The following EIF2B3 variants were observed in gnomAD, a reference collection of about 807,000 sequenced individuals.
EIF2B3 encodes the protein translation initiation factor eIF2B subunit gamma.
A neutral mutation model predicts 54.1 loss-of-function variants in EIF2B3; 20 were observed. The observed-to-expected ratio is 0.37, with a 90% CI of 0.26 to 0.54. EIF2B3 has a LOEUF of 0.54. Ranked by LOEUF, EIF2B3 falls within the 20% of genes least tolerant of loss-of-function variation. EIF2B3 has a pLI of 0.86. For synonymous variants in EIF2B3, 153 were observed against 188.1 expected (o/e 0.81, Z 1.52); for missense variants, 448 against 547.8 (o/e 0.82, Z 1.82).
chr1:44,975,656 A>G (rs1369037151), intron 3 of EIF2B3, among the ~76,000 whole-genome samples: 1 of 152,164 alleles, frequency 6.6e-6, no homozygotes, highest in East Asian at 1.9e-4. Flanking sequence ...ATGTTCAAGG[A>G]TCAAAAGATT....
intron 5 of EIF2B3, among the ~76,000 whole-genome samples, chr1:44,905,479 C>T (rs532100980): frequency 3.0e-4 from 45 of 152,230 alleles, no homozygotes; most frequent in African/African-American, 1.1e-3. Flanking sequence ...CACTACTCTA[C>T]GAGCTTCCGT....
intron 10 of EIF2B3, among the ~76,000 whole-genome samples, chr1:44,872,036 A>T (rs1557663689): frequency 6.6e-6 from 1 of 151,734 alleles, no homozygotes; most frequent in Admixed American, 6.6e-5. Context: ...TAATTCTTGT[A>T]TATGTATGTA....
intron 5 of EIF2B3, among the ~76,000 whole-genome samples, chr1:44,899,786 A>G (rs991616005): frequency 2.6e-5 from 4 of 152,256 alleles, no homozygotes; most frequent in Non-Finnish European, 5.9e-5. Context: ...GATATTTCAA[A>G]GAACTAAAAC....
At chr1:44,875,440 C>T (rs1386888116) in intron 9 of EIF2B3, among the ~76,000 whole-genome samples, 178 bp downstream of exon 9, 1 of 152,202 alleles carries the variant, frequency 6.6e-6, no homozygotes, top group Non-Finnish European at 1.5e-5. Context: ...CCCTTCCTTA[C>T]AAGGTCATTA....
chr1:44,918,366 G>A (rs1274470417), intron 5 of EIF2B3, among the ~76,000 whole-genome samples: 3 of 151,708 alleles, frequency 2.0e-5, no homozygotes, highest in African/African-American at 7.3e-5. Flanking sequence ...ATAGGAGTGA[G>A]CCTCTGTGCC....
chr1:44,872,533 C>T (rs1035391255), intron 10 of EIF2B3, among the ~76,000 whole-genome samples: 5 of 152,028 alleles, frequency 3.3e-5, no homozygotes, highest in Admixed American at 1.3e-4. Context: ...GCCTGTAGTC[C>T]TAGCTACCTG....
chr1:44,978,221 G>A, intron 3 of EIF2B3, 94 bp downstream of exon 3: 2 of 1,453,098 alleles, frequency 1.4e-6, no homozygotes, highest in Non-Finnish European at 1.9e-6. Context: ...ACAGAGCGAG[G>A]TTCTGTCTCA....
At chr1:44,929,565 A>C (rs1211325405) in intron 4 of EIF2B3, among the ~76,000 whole-genome samples, 2 of 152,256 alleles carry the variant, frequency 1.3e-5, no homozygotes, top group African/African-American at 4.8e-5. Flanking sequence ...AGAGAATTTC[A>C]AATGCCACAT....
At position 44,976,318 on chromosome 1, in the gene EIF2B3, T is replaced by C. The variant is rs193048060; in HGVS notation, c.294+1997A>G. Among the ~76,000 whole-genome samples the C allele has an allele frequency of 1.1e-3, 164 of 152,228 alleles. 1 individual carries two copies. The highest frequency in any genetic ancestry group is 3.7e-3 in the African/African-American group (152 of 41,548). On this transcript the variant is annotated intron_variant, in intron 3 of 11. Transcript: ENST00000360403. ...TTTGAACAGACACTTCATGAACATA[T>C]ATAAATGGCCAATAAACACATGAAA... is the stretch of plus-strand genomic sequence containing the variant.
intron 3 of EIF2B3, among the ~76,000 whole-genome samples, chr1:44,967,739 C>CAAAA (rs35067923): frequency 1.4e-4 from 7 of 49,524 alleles, no homozygotes; most frequent in African/African-American, 3.4e-4. Flanking sequence ...ATGCTGTCTT[C>CAAAA]AAAAAAAAAA....
rs1655337004 is a variant in EIF2B3 at position 44,879,971 on chromosome 1, G to A, written c.822C>T (p.Asn274=). ...YSFIKEANTL[N]LAPYDACWNA... The stretch of plus-strand genomic sequence containing the variant: ...TCCAGCAGGCATCATAGGGAGCCAG[G>A]TTCAGTGTATTGGCTTCTTTTATAA... Residue 274 remains asparagine (N), a synonymous_variant, in exon 8 of 12, where the codon AAC becomes AAT. Coordinates refer to ENST00000360403, the MANE Select transcript of EIF2B3 (RefSeq NM_020365.5). 3 of 1,614,164 alleles carry A rather than the reference G, an allele frequency of 1.9e-6. No homozygotes were observed. Among genetic ancestry groups the A allele is most frequent in the Non-Finnish European group, 2.5e-6 (3 of 1,180,016 alleles).
intron 5 of EIF2B3, among the ~76,000 whole-genome samples, chr1:44,907,790 T>G (rs948821533): frequency 6.3e-5 from 9 of 143,006 alleles, no homozygotes; most frequent in African/African-American, 2.4e-4. Context: ...ACTCGGTGGC[T>G]AAGGCAGGAG....
chr1:44,929,174 A>G (rs773773255), intron 4 of EIF2B3, among the ~76,000 whole-genome samples: 1 of 152,248 alleles, frequency 6.6e-6, no homozygotes, highest in Non-Finnish European at 1.5e-5. Context: ...CAACAACCAC[A>G]TAAAGCAATG....
chr1:44,884,349 C>A (rs1569614985), intron 6 of EIF2B3, among the ~76,000 whole-genome samples: 1 of 152,068 alleles, frequency 6.6e-6, no homozygotes, highest in Admixed American at 6.6e-5. Context: ...TACTTCCCAC[C>A]ACCTCTCCCA....
intron 3 of EIF2B3, among the ~76,000 whole-genome samples, chr1:44,968,565 G>C (rs778338506): frequency 6.6e-6 from 1 of 152,122 alleles, no homozygotes; most frequent in Admixed American, 6.5e-5. Context: ...ATTTTATCTG[G>C]ACTGTTTTGA....
chr1:44,914,693 T>C (rs1643585974), intron 5 of EIF2B3, among the ~76,000 whole-genome samples: 1 of 152,118 alleles, frequency 6.6e-6, no homozygotes, highest in South Asian at 2.1e-4. Context: ...CCTCCCTCCC[T>C]TCCTTCCTTT....
chr1:44,939,101 CAAAAAAAA>C lies in EIF2B3; in HGVS notation c.454+2397_454+2404del, dbSNP rs35410499. Among the ~76,000 whole-genome samples the C allele has an allele frequency of 6.4e-4, 36 of 56,282 alleles. 1 individual carries two copies. The highest frequency in any genetic ancestry group is 4.3e-3 in the South Asian group (6 of 1,394). The allele number at this position is 56,282 out of a possible 152,430, so 36.9% of individuals were successfully genotyped here. A position where few individuals can be genotyped will look rare whatever the true frequency, so the allele number is the denominator to read the frequency against. On this transcript the variant is annotated intron_variant, in intron 4 of 11. Coordinates refer to ENST00000360403, the MANE Select transcript of EIF2B3 (RefSeq NM_020365.5). Reference sequence around the variant, plus strand: ...TCGGCAACAGAGTAAGACCCTGTCTCAAAAAAAAAAAAAAAAAAAAAAAAAGAAACAAA... The same window carrying C: ...TCGGCAACAGAGTAAGACCCTGTCTCAAAAAAAAAAAAAAAAAGAAACAAA...
rs116239494 is a variant in EIF2B3 at position 44,866,504 on chromosome 1, G to A, written c.1202+8174C>T. Among the ~76,000 whole-genome samples, 1,013 of 152,052 alleles carry A rather than the reference G, an allele frequency of 6.7e-3. 13 individuals are homozygous for A. The highest frequency in any genetic ancestry group is 0.023 in the African/African-American group (962 of 41,484). ...AGTACCATGTGAGCATGAATAAAGT[G>A]TTATGGGTGCATAGGGAGCACAGAG... On this transcript the variant is annotated intron_variant, in intron 10 of 11. Transcript: ENST00000360403.
At chr1:44,886,149 G>A (rs183300337) in intron 6 of EIF2B3, among the ~76,000 whole-genome samples, 7 of 151,980 alleles carry the variant, frequency 4.6e-5, no homozygotes, top group African/African-American at 7.2e-5. Context: ...GCACGGTCTC[G>A]GTTCACTGCA....
Sources: gnomAD v4.1 joint callset for allele counts (sites outside exome capture counted in the v4.1 genomes callset) on GRCh38, gnomAD v4.1.1 for gene constraint, MANE v1.5 for transcripts, NCBI Gene and HGNC (gene_info 2026-07-23, HGNC 2026-07-21) for gene names.